Variants in PHLDB2 observed in about 807,000 individuals in gnomAD.
The protein encoded by PHLDB2 is pleckstrin homology-like domain family B member 2.
In PHLDB2, 71 loss-of-function variants were observed where a neutral mutation model predicts 123.6. The observed-to-expected ratio is 0.57, with a 90% CI of 0.47 to 0.70. The LOEUF (loss-of-function observed/expected upper bound fraction) is 0.70. PHLDB2 is among the 30% of genes least tolerant of loss of function. PHLDB2 has a pLI of 0.00. For synonymous variants in PHLDB2, 547 were observed against 541.6 expected (o/e 1.01, Z -0.14); for missense variants, 1,446 against 1,519.5 (o/e 0.95, Z 0.80).
intron 1 of PHLDB2, among the ~76,000 whole-genome samples, chr3:111,747,699 T>C (rs1421496621): frequency 6.6e-6 from 1 of 152,228 alleles, no homozygotes; most frequent in Non-Finnish European, 1.5e-5. Flanking sequence ...AGCTGTGTGT[T>C]TGCCTACAAG....
chr3:111,887,970 C>G (rs1341780339), intron 2 of PHLDB2, among the ~76,000 whole-genome samples: 1 of 152,012 alleles, frequency 6.6e-6, no homozygotes, highest in Non-Finnish European at 1.5e-5. Flanking sequence ...GTAGAGAACA[C>G]TTGGTGAATG....
chr3:111,893,099 C>CCG (rs1194359418), intron 2 of PHLDB2, among the ~76,000 whole-genome samples: 3 of 152,014 alleles, frequency 2.0e-5, no homozygotes, highest in Admixed American at 6.6e-5. Flanking sequence ...TGACCACCCC[C>CCG]CCAAAATAAG....
rs549592196 is a variant in PHLDB2 at position 111,809,615 on chromosome 3, T to C, written c.-48-36206T>C. 1.8e-4 allele frequency among the ~76,000 whole-genome samples: 28 copies of C among 152,376 alleles called. No individual in the cohort carries two copies. In the South Asian group the frequency reaches 5.8e-3, roughly 32 times the overall value. ...CAGGTCTTTGACCCTGAAATATCTTTAGTAAGTTTGCTTTTCTTTGTTGCT... is the reference window on the plus strand; with the variant it reads ...CAGGTCTTTGACCCTGAAATATCTTCAGTAAGTTTGCTTTTCTTTGTTGCT... On this transcript the variant is annotated intron_variant, in intron 1 of 17. Coordinates refer to the PHLDB2 transcript ENST00000393923.
chr3:111,758,620 C>A (rs2059942417), intron 1 of PHLDB2, among the ~76,000 whole-genome samples: 1 of 152,156 alleles, frequency 6.6e-6, no homozygotes, highest in Non-Finnish European at 1.5e-5. Context: ...CTGACCTGCG[C>A]CCACTGTCTG....
intron 1 of PHLDB2, among the ~76,000 whole-genome samples, chr3:111,771,445 G>A (rs1323967293): frequency 3.3e-5 from 5 of 151,728 alleles, no homozygotes; most frequent in East Asian, 1.9e-4. Flanking sequence ...CCCTTCCTGG[G>A]TTCAAGTGAT....
chr3:111,907,554 T>C (rs2067621715), intron 2 of PHLDB2, among the ~76,000 whole-genome samples: 1 of 152,092 alleles, frequency 6.6e-6, no homozygotes, highest in Non-Finnish European at 1.5e-5. Context: ...TGGAGTGTAG[T>C]AGCACGACTG....
chr3:111,821,738 C>G (rs72936480), intron 1 of PHLDB2, among the ~76,000 whole-genome samples: 5,939 of 152,252 alleles, frequency 0.039, 398 homozygotes, highest in African/African-American at 0.13. Context: ...TTAACCATCA[C>G]CAGCTCCATG....
chr3:111,802,730 T>TCATG (rs1397056558), intron 1 of PHLDB2, among the ~76,000 whole-genome samples: 5 of 152,236 alleles, frequency 3.3e-5, no homozygotes, highest in Admixed American at 6.5e-5. Flanking sequence ...GAGGCAAGCA[T>TCATG]CATGCATTCT....
At position 111,940,571 on chromosome 3, in the gene PHLDB2, A is replaced by G. The variant is rs1255686255; in HGVS notation, c.2323A>G (p.Ile775Val). ...ISALKKQANH[I>V]VQQAQREQDH... is the part of the protein sequence containing the mutation. ...TGCATTGAAAAAGCAAGCCAATCAC[A>G]TTGTTCAGCAGGCTCAGAGAGAGCA... Residue 775 changes from isoleucine to valine, a missense_variant, in exon 8 of 18, where the codon ATT becomes GTT. By Grantham distance (29) the Ile-to-Val change is conservative (BLOSUM62 3). Coordinates refer to ENST00000431670, the MANE Select transcript of PHLDB2 (RefSeq NM_001134438.2). The G allele has an allele frequency of 1.2e-6, 2 of 1,602,744 alleles. No homozygotes were observed. The highest frequency in any genetic ancestry group is 1.1e-5 in the South Asian group (1 of 88,148).
chr3:111,859,254 C>G (rs975059013), upstream of PHLDB2: 6 of 985,440 alleles, frequency 6.1e-6, no homozygotes, highest in Non-Finnish European at 6.0e-6. Context: ...AAGCCTGCCA[C>G]GAAAGTCCCT....
intron 5 of PHLDB2, among the ~76,000 whole-genome samples, chr3:111,928,137 T>C (rs1158165757): frequency 6.6e-6 from 1 of 152,240 alleles, no homozygotes; most frequent in Non-Finnish European, 1.5e-5. Flanking sequence ...GTACGAATAT[T>C]GCATACTGCA....
intron 1 of PHLDB2, among the ~76,000 whole-genome samples, chr3:111,796,781 G>A (rs543659658): frequency 6.6e-6 from 1 of 152,262 alleles, no homozygotes; most frequent in South Asian, 2.1e-4. Context: ...GCAAAGGGCT[G>A]GGATTACAAG....
chr3:111,893,833 C>G (rs1280485669), intron 2 of PHLDB2, among the ~76,000 whole-genome samples: 1 of 149,072 alleles, frequency 6.7e-6, no homozygotes, highest in Non-Finnish European at 1.5e-5. Flanking sequence ...ATGCTACCCA[C>G]TCCCTAAATT....
Position 111,888,841 on chromosome 3 carries a change from T to G in PHLDB2, c.1335+3429T>G, listed in dbSNP as rs558671250. 5.9e-5 allele frequency among the ~76,000 whole-genome samples: 9 copies of G among 152,340 alleles called. No homozygotes were observed. In the South Asian group the frequency reaches 1.7e-3, roughly 28 times the overall value. On this transcript the variant is annotated intron_variant, in intron 2 of 17. Coordinates refer to ENST00000431670, the MANE Select transcript of PHLDB2 (RefSeq NM_001134438.2). ...AAATTTTATTACTTCTTTATAGCCTTTTTATTTGCAAGCATTATAAACCAA... is the reference window on the plus strand; with the variant it reads ...AAATTTTATTACTTCTTTATAGCCTGTTTATTTGCAAGCATTATAAACCAA...
chr3:111,821,193 C>T (rs551442049), intron 1 of PHLDB2, among the ~76,000 whole-genome samples: 56 of 152,222 alleles, frequency 3.7e-4, no homozygotes, highest in Non-Finnish European at 7.5e-4. Context: ...ATATATGTCC[C>T]ACTGCCATGA....
chr3:111,765,364 C>T (rs527863557), intron 1 of PHLDB2, among the ~76,000 whole-genome samples: 3 of 152,178 alleles, frequency 2.0e-5, no homozygotes, highest in Non-Finnish European at 2.9e-5. Context: ...TCCTTTTATA[C>T]TTTCCCCTTC....
At chr3:111,841,706 G>A (rs2063706966) in intron 1 of PHLDB2, among the ~76,000 whole-genome samples, 1 of 152,136 alleles carries the variant, frequency 6.6e-6, no homozygotes, top group Non-Finnish European at 1.5e-5. Context: ...TGCGTGTGGA[G>A]GAGTTAAGGA....
At chr3:111,755,320 A>G (rs959231574) in intron 1 of PHLDB2, among the ~76,000 whole-genome samples, 19 of 146,552 alleles carry the variant, frequency 1.3e-4, no homozygotes, top group Non-Finnish European at 1.9e-4. Context: ...TTAGTGCCAC[A>G]ATTTCAGAGC....
chr3:111,835,440 T>G (rs1354249735), intron 1 of PHLDB2, among the ~76,000 whole-genome samples: 1 of 152,200 alleles, frequency 6.6e-6, no homozygotes, highest in Admixed American at 6.5e-5. Flanking sequence ...TAATGGTGCC[T>G]GCTTCCCCAG....
Sources: allele counts gnomAD v4.1 joint callset (sites outside exome capture counted in the v4.1 genomes callset), GRCh38; gene constraint gnomAD v4.1.1; transcripts MANE v1.5; gene names NCBI Gene and HGNC (gene_info 2026-07-23, HGNC 2026-07-21).